The following GUCY1A2 variants were observed in gnomAD, a reference collection of about 807,000 sequenced individuals.
The protein encoded by GUCY1A2 is guanylate cyclase soluble subunit alpha-2.
Under a neutral mutation model 63.5 loss-of-function variants are expected in GUCY1A2, and 27 were observed. The ratio of observed to expected loss-of-function variants is 0.43; its 90% CI spans 0.31 to 0.59. The LOEUF (loss-of-function observed/expected upper bound fraction) is 0.59, where lower values mean the gene tolerates loss of function less well. Among genes scored for constraint, GUCY1A2 ranks in the 20% least tolerant of loss-of-function variants. The pLI is 0.11. For synonymous variants in GUCY1A2, 364 were observed against 343.5 expected (o/e 1.06, Z -0.66); for missense variants, 768 against 913.3 (o/e 0.84, Z 2.05).
intron 4 of GUCY1A2, among the ~76,000 whole-genome samples, chr11:106,903,028 T>C (rs987941264): frequency 6.6e-6 from 1 of 152,154 alleles, no homozygotes; most frequent in Non-Finnish European, 1.5e-5. Context: ...ATATAAGAAC[T>C]CTAACTGAAC....
At position 106,674,978 on chromosome 11, in the gene GUCY1A2, G is replaced by A. The variant is rs1862321181; in HGVS notation, c.*12571C>T. The A allele has an allele frequency of 4.7e-6, 1 of 214,142 alleles. No homozygotes were observed. 13.3% of individuals were successfully genotyped at this position (214,142 alleles called of 1,614,324 possible). A position where few individuals can be genotyped will look rare whatever the true frequency, so the allele number is the denominator to read the frequency against. The stretch of plus-strand genomic sequence containing the variant: ...TTGGCTGTTTATTTTATGCATTGAA[G>A]TGAGTATTAATAGGATTATTACTAT... On this transcript the variant is annotated 3_prime_UTR_variant, in exon 8 of 8. Coordinates refer to ENST00000526355, the MANE Select transcript of GUCY1A2 (RefSeq NM_000855.3).
In GUCY1A2 at chr11:106,939,808, A is replaced by G. The variant is rs1339610767; in HGVS notation, c.858T>C (p.Cys286=). ...LCSDVSNPGN[C]SCLTFLIKEC... is the part of the protein sequence containing the mutation. ...CTTTGATAAGGAAAGTAAGACAGCT[A>G]CAATTGCCTGGGTTTGAAACATCAG... The change falls in exon 4 of 8, where the codon TGT becomes TGC. Residue 286 remains cysteine, a synonymous_variant. Transcript: ENST00000526355. The G allele has an allele frequency of 1.2e-6, 2 of 1,613,666 alleles. No homozygotes were observed. The highest frequency in any genetic ancestry group is 2.2e-5 in the South Asian group (2 of 91,068).
chr11:106,947,683 T>C (rs998625917), intron 3 of GUCY1A2, among the ~76,000 whole-genome samples: 20 of 152,080 alleles, frequency 1.3e-4, no homozygotes, highest in South Asian at 6.2e-4. Flanking sequence ...AACCAAAAGG[T>C]GGCATATATA....
At chr11:106,738,536 A>G (rs1038636546) in intron 6 of GUCY1A2, among the ~76,000 whole-genome samples, 1 of 152,104 alleles carries the variant, frequency 6.6e-6, no homozygotes, top group Non-Finnish European at 1.5e-5. Flanking sequence ...TCTTACGTTT[A>G]AGTCTTTAAT....
intron 4 of GUCY1A2, among the ~76,000 whole-genome samples, chr11:106,907,372 T>C (rs898517109): frequency 1.3e-5 from 2 of 152,020 alleles, no homozygotes; most frequent in Non-Finnish European, 2.9e-5. Flanking sequence ...GGGATTCTTC[T>C]AGCTATGGCT....
At chr11:106,737,658 C>A (rs1200623000) in intron 6 of GUCY1A2, among the ~76,000 whole-genome samples, 2 of 152,104 alleles carry the variant, frequency 1.3e-5, no homozygotes, top group African/African-American at 4.8e-5. Flanking sequence ...GTTTGGTTTT[C>A]TGTTCTTGTG....
intron 4 of GUCY1A2, among the ~76,000 whole-genome samples, chr11:106,884,191 A>G (rs1859865819): frequency 6.6e-6 from 1 of 152,152 alleles, no homozygotes; most frequent in Non-Finnish European, 1.5e-5. Flanking sequence ...CAAAAAAAAG[A>G]AAGGAAGAAA....
At chr11:106,961,971 C>T in intron 3 of GUCY1A2, among the ~76,000 whole-genome samples, 1 of 152,202 alleles carries the variant, frequency 6.6e-6, no homozygotes, top group Admixed American at 6.5e-5. Flanking sequence ...TGACTACTAA[C>T]ATCCCTGTTT....
intron 6 of GUCY1A2, among the ~76,000 whole-genome samples, chr11:106,718,738 A>T (rs1182839761): frequency 6.6e-6 from 1 of 152,186 alleles, no homozygotes; most frequent in Non-Finnish European, 1.5e-5. Flanking sequence ...GCGGTTGAAA[A>T]AAAAGATCAT....
At chr11:106,840,818 C>G (rs1019725243) in intron 4 of GUCY1A2, among the ~76,000 whole-genome samples, 3 of 151,820 alleles carry the variant, frequency 2.0e-5, no homozygotes, top group Non-Finnish European at 4.4e-5. Context: ...AACAATTCAG[C>G]TATTTTCTTA....
chr11:106,772,121 C>T (rs1420906601), intron 6 of GUCY1A2, among the ~76,000 whole-genome samples: 1 of 152,056 alleles, frequency 6.6e-6, no homozygotes, highest in Non-Finnish European at 1.5e-5. Context: ...GGCAGTTTTA[C>T]AATTAGTGAG....
intron 7 of GUCY1A2, among the ~76,000 whole-genome samples, chr11:106,700,358 T>C (rs553458079): frequency 1.8e-4 from 27 of 152,136 alleles, no homozygotes; most frequent in African/African-American, 6.5e-4. Context: ...TTTTAAAAAA[T>C]TGGGAAGGCA....
intron 1 of GUCY1A2, among the ~76,000 whole-genome samples, chr11:106,993,906 CA>C (rs1294666378): frequency 6.6e-6 from 1 of 152,064 alleles, no homozygotes; most frequent in African/African-American, 2.4e-5. Flanking sequence ...ATTTGCTAAG[CA>C]AAACTAGAAG....
chr11:106,813,748 C>T (rs147164115), intron 4 of GUCY1A2, among the ~76,000 whole-genome samples: 206 of 152,140 alleles, frequency 1.4e-3, no homozygotes, highest in African/African-American at 4.8e-3. Context: ...TTCAAAGCCT[C>T]GGTTTCCTTA....
chr11:106,770,300 T>C (rs1179808479), intron 6 of GUCY1A2, among the ~76,000 whole-genome samples: 2 of 152,146 alleles, frequency 1.3e-5, no homozygotes, highest in Non-Finnish European at 2.9e-5. Flanking sequence ...GTTGTTAGGC[T>C]GTATTATTTA....
intron 7 of GUCY1A2, among the ~76,000 whole-genome samples, chr11:106,691,349 C>T (rs1312402167): frequency 2.6e-5 from 4 of 152,134 alleles, no homozygotes; most frequent in Admixed American, 1.3e-4. Flanking sequence ...GATTTAAGTA[C>T]AAAAGTTAAG....
At chr11:106,814,541 C>T (rs1016710444) in intron 4 of GUCY1A2, among the ~76,000 whole-genome samples, 1 of 151,974 alleles carries the variant, frequency 6.6e-6, no homozygotes, top group Non-Finnish European at 1.5e-5. Context: ...TAATTTTGCA[C>T]AACAAATGCC....
chr11:106,760,262 G>C (rs1864042988), intron 6 of GUCY1A2, among the ~76,000 whole-genome samples: 1 of 152,074 alleles, frequency 6.6e-6, no homozygotes, highest in Non-Finnish European at 1.5e-5. Flanking sequence ...ATGGATAAAG[G>C]CTTATACATC....
At chr11:106,905,404 T>C (rs1355717163) in intron 4 of GUCY1A2, among the ~76,000 whole-genome samples, 5 of 152,232 alleles carry the variant, frequency 3.3e-5, no homozygotes, top group East Asian at 1.9e-4. Flanking sequence ...ATGGTAGCAT[T>C]GTCAGGTTCT....
Sources: allele counts gnomAD v4.1 joint callset (sites outside exome capture counted in the v4.1 genomes callset), GRCh38; gene constraint gnomAD v4.1.1; transcripts MANE v1.5; gene names NCBI Gene and HGNC (gene_info 2026-07-23, HGNC 2026-07-21).